The following GALNT10 variants were observed in gnomAD, a reference collection of about 807,000 sequenced individuals.
The protein encoded by GALNT10 is polypeptide N-acetylgalactosaminyltransferase 10, also known as GalNAc transferase 10.
GALNT10 carries 41 observed loss-of-function variants against 75.0 expected under a neutral mutation model. That is an observed-to-expected ratio of 0.55 (90% CI 0.43 to 0.71). The LOEUF (loss-of-function observed/expected upper bound fraction) is 0.71, where lower values mean the gene tolerates loss of function less well. GALNT10 is among the 30% of genes least tolerant of loss of function. GALNT10 has a pLI of 0.00. For synonymous variants in GALNT10, 302 were observed against 313.0 expected (o/e 0.96, Z 0.37); for missense variants, 727 against 818.5 (o/e 0.89, Z 1.36).
At chr5:154,378,050 A>G (rs1027227612) in intron 5 of GALNT10, among the ~76,000 whole-genome samples, 1 of 152,218 alleles carries the variant, frequency 6.6e-6, no homozygotes, top group African/African-American at 2.4e-5. Flanking sequence ...GCAGACATAC[A>G]TGGAAGAAAC....
At chr5:154,301,558 T>G (rs1422536326) in intron 3 of GALNT10, among the ~76,000 whole-genome samples, 4 of 147,144 alleles carry the variant, frequency 2.7e-5, no homozygotes, top group Non-Finnish European at 6.0e-5. Flanking sequence ...CTTCTTGTTT[T>G]TTTGTTTTTT....
At chr5:154,342,625 G>T (rs1233484926) in intron 4 of GALNT10, among the ~76,000 whole-genome samples, 2 of 152,180 alleles carry the variant, frequency 1.3e-5, no homozygotes, top group Non-Finnish European at 2.9e-5. Flanking sequence ...TTTGGATAGT[G>T]ATGTCTTTGA....
At position 154,298,665 on chromosome 5, in the gene GALNT10, G is replaced by C. The variant is rs1194779696; in HGVS notation, c.401+586G>C. Among the ~76,000 whole-genome samples the C allele has an allele frequency of 6.6e-6, 1 of 152,166 alleles. No individual in the cohort carries two copies. The highest frequency in any genetic ancestry group is 1.5e-5 in the Non-Finnish European group (1 of 68,032). On this transcript the variant is annotated intron_variant, in intron 3 of 11. Transcript: ENST00000297107. The surrounding 1 kb of genome is among the most constrained non-coding windows in gnomAD (Gnocchi z 4.1). ...AAAGGAGGGTCATAACTCACTTAAG[G>C]CTATAAGTTGATTGACAGAATAAGA...
At chr5:154,360,186 A>G (rs1477990443) in intron 4 of GALNT10, among the ~76,000 whole-genome samples, 2 of 152,336 alleles carry the variant, frequency 1.3e-5, no homozygotes, top group East Asian at 3.9e-4. Context: ...GCGGTGGCTC[A>G]CACCTGTAAT....
chr5:154,274,837 C>G (rs1390686343), intron 1 of GALNT10, among the ~76,000 whole-genome samples: 1 of 152,218 alleles, frequency 6.6e-6, no homozygotes, highest in Admixed American at 6.5e-5. Flanking sequence ...CATTGGCCCT[C>G]ACTTGGCAAC....
chr5:154,350,002 C>T (rs1365852551), intron 4 of GALNT10, among the ~76,000 whole-genome samples: 1 of 152,160 alleles, frequency 6.6e-6, no homozygotes, highest in African/African-American at 2.4e-5. Flanking sequence ...ATTTCACATG[C>T]TCAATAGCCG....
intron 1 of GALNT10, among the ~76,000 whole-genome samples, chr5:154,231,718 C>G (rs1490026920): frequency 2.0e-5 from 3 of 152,166 alleles, no homozygotes; most frequent in Non-Finnish European, 4.4e-5. Flanking sequence ...ACATCTTGGT[C>G]TCTTATCTCA....
chr5:154,226,747 C>G (rs1357929285), intron 1 of GALNT10, among the ~76,000 whole-genome samples: 2 of 151,958 alleles, frequency 1.3e-5, no homozygotes, highest in African/African-American at 4.8e-5. Flanking sequence ...ATCTATACAC[C>G]CATGAAAACA....
rs531977479 is a variant in GALNT10 at position 154,371,898 on chromosome 5, C to T, written c.569-4379C>T. ...AAGTTGAAGTTGTTACATCCTTCTC[C>T]GTTAATCCCCTGGGCTCTTCTCTTA... On this transcript the variant is annotated intron_variant, in intron 4 of 11. Transcript: ENST00000297107. Among the ~76,000 whole-genome samples the T allele has an allele frequency of 1.3e-4, 20 of 152,210 alleles. No homozygotes were observed. The South Asian group carries it at 3.9e-3, about 30-fold the overall frequency.
At chr5:154,347,388 G>A (rs575128595) in intron 4 of GALNT10, 15 of 319,268 alleles carry the variant, frequency 4.7e-5, no homozygotes, top group Admixed American at 1.2e-4. Context: ...TTTTTAGACA[G>A]GATCTTGCTC....
intron 7 of GALNT10, among the ~76,000 whole-genome samples, chr5:154,390,031 A>G (rs1330105056): frequency 1.3e-5 from 2 of 152,226 alleles, no homozygotes; most frequent in African/African-American, 4.8e-5. Context: ...ACTAAAAATT[A>G]CCAACCTTCC....
chr5:154,219,297 T>G (rs1018351993), intron 1 of GALNT10, among the ~76,000 whole-genome samples: 17 of 152,348 alleles, frequency 1.1e-4, no homozygotes, highest in Middle Eastern at 3.4e-3. Flanking sequence ...CTGACCACCC[T>G]GCCCTCCTCA....
chr5:154,200,446 GGT>G (rs556589540), intron 1 of GALNT10, among the ~76,000 whole-genome samples: 1 of 152,108 alleles, frequency 6.6e-6, no homozygotes, highest in South Asian at 2.1e-4. Context: ...ATCTGGCAGG[GGT>G]GTGTGTGTGA....
intron 6 of GALNT10, among the ~76,000 whole-genome samples, chr5:154,384,214 G>A (rs1437199619): frequency 3.9e-5 from 6 of 152,106 alleles, no homozygotes; most frequent in Non-Finnish European, 5.9e-5. Context: ...GGGTGGGGAC[G>A]TAGCCAACCG....
At chr5:154,287,909 T>A (rs921974988) in intron 1 of GALNT10, among the ~76,000 whole-genome samples, 3 of 139,586 alleles carry the variant, frequency 2.1e-5, no homozygotes, top group African/African-American at 8.1e-5. Flanking sequence ...TGTGTGTGTG[T>A]GTGTGAGAGA....
intron 3 of GALNT10, among the ~76,000 whole-genome samples, chr5:154,308,347 T>G (rs1754465056): frequency 6.6e-6 from 1 of 152,070 alleles, no homozygotes; most frequent in African/African-American, 2.4e-5. Context: ...ACCACCCACT[T>G]GCCCCCATAA....
chr5:154,205,087 T>A (rs1416192700), intron 1 of GALNT10, among the ~76,000 whole-genome samples: 8 of 152,230 alleles, frequency 5.3e-5, no homozygotes, highest in Non-Finnish European at 1.0e-4. Flanking sequence ...ACTCTGTTCT[T>A]GGTGTTGTGG....
intron 7 of GALNT10, among the ~76,000 whole-genome samples, chr5:154,393,851 G>GA (rs370360915): frequency 1.3e-4 from 19 of 148,402 alleles, no homozygotes; most frequent in African/African-American, 2.2e-4. Flanking sequence ...TCAAAGGAAA[G>GA]AAAAAAAAAA....
intron 1 of GALNT10, among the ~76,000 whole-genome samples, chr5:154,200,395 C>T (rs1775007986): frequency 6.6e-6 from 1 of 152,168 alleles, no homozygotes; most frequent in African/African-American, 2.4e-5. Context: ...ACAGGGGCTC[C>T]TGGAGGGAAG....
Sources: gnomAD v4.1 joint callset for allele counts (sites outside exome capture counted in the v4.1 genomes callset) on GRCh38, gnomAD v4.1.1 for gene constraint, Gnocchi (gnomAD v3.1) non-coding constraint, MANE v1.5 for transcripts, NCBI Gene and HGNC (gene_info 2026-07-23, HGNC 2026-07-21) for gene names.